The following CAPN9 variants were observed in gnomAD, a reference collection of about 807,000 sequenced individuals.
CAPN9 encodes the protein calpain-9.
CAPN9 carries 81 observed loss-of-function variants against 92.8 expected under a neutral mutation model. The observed-to-expected ratio is 0.87, with a 90% CI of 0.73 to 1.05. The LOEUF (loss-of-function observed/expected upper bound fraction) is 1.05. CAPN9 is among the 50% of genes least tolerant of loss of function. The probability of loss-of-function intolerance (pLI) is 0.00; values close to 1 mark genes in which losing one functional copy is unlikely to be tolerated. For missense variants in CAPN9, 848 were observed against 866.2 expected (o/e 0.98, Z 0.26); for synonymous variants, 304 against 328.0 (o/e 0.93, Z 0.79).
intron 17 of CAPN9, among the ~76,000 whole-genome samples, chr1:230,793,691 C>T (rs747936761): frequency 1.8e-4 from 27 of 152,216 alleles, no homozygotes; most frequent in Non-Finnish European, 3.2e-4. Flanking sequence ...GGAAACATGT[C>T]CAGGCTCAGG....
intron 11 of CAPN9, 107 bp from the exon 12 acceptor site, chr1:230,785,874 G>C: frequency 9.6e-7 from 1 of 1,039,914 alleles, no homozygotes; most frequent in Non-Finnish European, 1.5e-6. Flanking sequence ...TGAACAATAA[G>C]GGATTCAAAG....
rs200985812 is a variant in CAPN9, at chr1:230,747,466, C to A, written c.-31C>A. 7.6e-5 allele frequency: 121 copies of A among 1,589,606 alleles called. 1 individual carries two copies. In the East Asian group the frequency reaches 2.5e-3, roughly 33 times the overall value. On this transcript the variant is annotated 5_prime_UTR_variant, in exon 1 of 20. Coordinates refer to ENST00000271971, the MANE Select transcript of CAPN9 (RefSeq NM_006615.3). The stretch of plus-strand genomic sequence containing the variant: ...CTTCACTTTCTTTTCCATCCACTGC[C>A]GGACCCAAGCCAGCCTTCCAGGGAG...
chr1:230,772,502 C>T (rs1434980350), intron 7 of CAPN9, among the ~76,000 whole-genome samples: 1 of 152,052 alleles, frequency 6.6e-6, no homozygotes, highest in Non-Finnish European at 1.5e-5. Flanking sequence ...GTCGGAATCC[C>T]TGAAATATTA....
At chr1:230,778,288 C>T (rs1666958665) in intron 8 of CAPN9, among the ~76,000 whole-genome samples, 1 of 152,222 alleles carries the variant, frequency 6.6e-6, no homozygotes, top group Non-Finnish European at 1.5e-5. Flanking sequence ...CCCATACCAT[C>T]AGCCTGGACC....
chr1:230,751,601 GAAAGAAAGAGAAAGAAAGAA>G (rs1258620693), intron 1 of CAPN9, among the ~76,000 whole-genome samples: 10 of 11,856 alleles, frequency 8.4e-4, no homozygotes, highest in Middle Eastern at 0.028. Context: ...AAGAAAGAAA[GAAAGAAAGAGAAAGAAAGAA>G]AGAAAGAAAG....
chr1:230,769,302 CA>C, intron 6 of CAPN9, 39 bp downstream of exon 6: 1 of 1,395,396 alleles, frequency 7.2e-7, no homozygotes. Flanking sequence ...TATGGGGAGA[CA>C]TGTGACAATG....
At chr1:230,765,283 C>T (rs1271689425) in intron 4 of CAPN9, among the ~76,000 whole-genome samples, 1 of 148,350 alleles carries the variant, frequency 6.7e-6, no homozygotes, top group African/African-American at 2.5e-5. Context: ...CAAAAGGGCA[C>T]AAGAGCATAC....
intron 13 of CAPN9, among the ~76,000 whole-genome samples, chr1:230,788,917 C>T (rs923305716): frequency 2.6e-5 from 4 of 152,152 alleles, no homozygotes; most frequent in East Asian, 3.9e-4. Flanking sequence ...GAGTTTCAGT[C>T]GACCTTTATT....
At chr1:230,798,011 C>T in intron 18 of CAPN9, 151 bp from the exon 19 acceptor site, 1 of 668,942 alleles carries the variant, frequency 1.5e-6, no homozygotes, top group South Asian at 1.8e-5. Flanking sequence ...TGATGAGAGT[C>T]CCATCGCCGC....
chr1:230,757,519 A>C (rs1415752372), intron 2 of CAPN9, among the ~76,000 whole-genome samples: 1 of 152,160 alleles, frequency 6.6e-6, no homozygotes, highest in Non-Finnish European at 1.5e-5. Context: ...AGTACTGTAC[A>C]TGGCATATAT....
chr1:230,764,369 G>A (rs956218829), intron 4 of CAPN9, among the ~76,000 whole-genome samples: 7 of 152,184 alleles, frequency 4.6e-5, no homozygotes, highest in Admixed American at 3.3e-4. Flanking sequence ...GGAGCTCCTC[G>A]TTCTCAAACC....
chr1:230,757,339 C>T (rs1416586718), intron 2 of CAPN9, among the ~76,000 whole-genome samples: 2 of 152,170 alleles, frequency 1.3e-5, no homozygotes, highest in Admixed American at 6.5e-5. Flanking sequence ...CCCTCGACCC[C>T]GTAGTCCTCC....
At chr1:230,754,580 T>A (rs1456589984) in intron 1 of CAPN9, among the ~76,000 whole-genome samples, 2 of 147,070 alleles carry the variant, frequency 1.4e-5, no homozygotes, top group Non-Finnish European at 3.0e-5. Context: ...GGCGGGAGGA[T>A]CACTTGAGGC....
intron 11 of CAPN9, 104 bp from the exon 12 acceptor site, chr1:230,785,877 A>T: frequency 9.2e-7 from 1 of 1,092,132 alleles, no homozygotes; most frequent in Non-Finnish European, 1.4e-6. Flanking sequence ...ACAATAAGGG[A>T]TTCAAAGGGA....
At chr1:230,756,915 C>T (rs1467800344) in intron 2 of CAPN9, among the ~76,000 whole-genome samples, 2 of 150,812 alleles carry the variant, frequency 1.3e-5, no homozygotes, top group Non-Finnish European at 2.9e-5. Context: ...GCACTCCAGC[C>T]TGGACAACAG....
Position 230,774,755 on chromosome 1 carries a change from T to C in CAPN9, c.953+124T>C, listed in dbSNP as rs867537772. 1.0e-4 allele frequency: 68 copies of C among 672,708 alleles called. No homozygotes were observed. The Middle Eastern group carries it at 1.2e-3, about 12-fold the overall frequency. 41.7% of individuals were successfully genotyped at this position (672,708 alleles called of 1,614,324 possible). A position where few individuals can be genotyped will look rare whatever the true frequency, so the allele number is the denominator to read the frequency against. On this transcript the variant is annotated intron_variant, in intron 8 of 19. Coordinates refer to ENST00000271971, the MANE Select transcript of CAPN9 (RefSeq NM_006615.3). The stretch of plus-strand genomic sequence containing the variant: ...TCTTTCTTTCTTTTTTTTTTTTTTT[T>C]TTTGAGACGGAGTTTTGTTCTTATT...
chr1:230,784,270 T>C (rs1170912718), intron 11 of CAPN9, among the ~76,000 whole-genome samples: 1 of 152,184 alleles, frequency 6.6e-6, no homozygotes, highest in East Asian at 1.9e-4. Flanking sequence ...AGAGAGGAAT[T>C]CAAGCAGGCT....
Position 230,801,856 on chromosome 1 carries a change from T to C in CAPN9, c.*260T>C. On this transcript the variant is annotated 3_prime_UTR_variant, in exon 20 of 20. Coordinates refer to ENST00000271971, the MANE Select transcript of CAPN9 (RefSeq NM_006615.3). The stretch of plus-strand genomic sequence containing the variant: ...CCTTACATCCAGGTTCAGGCATCAC[T>C]AGCTTTCCCACACTCTACTTTCCTT... The C allele has an allele frequency of 1.9e-6, 1 of 534,414 alleles. No individual in the cohort carries two copies. Among genetic ancestry groups the C allele is most frequent in the Admixed American group, 3.1e-5 (1 of 32,608 alleles). The allele number at this position is 534,414 out of a possible 1,614,324, so 33.1% of individuals were successfully genotyped here.
At chr1:230,767,492 G>T (rs1666065477) in intron 4 of CAPN9, 49 bp from the exon 5 acceptor site, 5 of 1,488,298 alleles carry the variant, frequency 3.4e-6, no homozygotes, top group Non-Finnish European at 4.5e-6. Context: ...TGCCCCAGTG[G>T]CCTCCCTAGG....
Sources: gnomAD v4.1 joint callset for allele counts (sites outside exome capture counted in the v4.1 genomes callset) on GRCh38, gnomAD v4.1.1 for gene constraint, MANE v1.5 for transcripts, NCBI Gene and HGNC (gene_info 2026-07-23, HGNC 2026-07-21) for gene names.